XRN2: variants seen among roughly 807,000 people sequenced by gnomAD.
The protein encoded by XRN2 is DHM1-like protein.
Under a neutral mutation model 138.5 loss-of-function variants are expected in XRN2, and 44 were observed. That is an observed-to-expected ratio of 0.32 (90% CI 0.25 to 0.41). The LOEUF (loss-of-function observed/expected upper bound fraction) is 0.41, where lower values mean the gene tolerates loss of function less well. XRN2 is among the 10% of genes least tolerant of loss of function. XRN2 has a pLI of 1.00. For synonymous variants in XRN2, 354 were observed against 369.4 expected, an observed-to-expected ratio of 0.96 and a Z score of 0.48; for missense variants, 937 against 1,169.3, an observed-to-expected ratio of 0.80 and a Z score of 2.90.
intron 28 of XRN2, among the ~76,000 whole-genome samples, chr20:21,383,085 T>G (rs1445905879): frequency 6.6e-6 from 1 of 152,240 alleles, no homozygotes; most frequent in Non-Finnish European, 1.5e-5. Context: ...AGAACTTTAT[T>G]TCATTGTTAT....
chr20:21,354,981 A>T (rs1159117539), intron 21 of XRN2, 109 bp downstream of exon 21: 1 of 787,126 alleles, frequency 1.3e-6, no homozygotes, highest in Admixed American at 3.3e-5. Flanking sequence ...CATAAAGGGG[A>T]TATAAATCAT....
chr20:21,330,239 G>A (rs939748451), intron 4 of XRN2, among the ~76,000 whole-genome samples: 1 of 152,114 alleles, frequency 6.6e-6, no homozygotes, highest in African/African-American at 2.4e-5. Context: ...AGCCGAGATT[G>A]CACCACTGCA....
intron 20 of XRN2, among the ~76,000 whole-genome samples, chr20:21,351,709 C>G (rs187550941): frequency 6.6e-6 from 1 of 152,288 alleles, no homozygotes; most frequent in African/African-American, 2.4e-5. Context: ...CTAAAAGTTA[C>G]ACAGTTTTAG....
chr20:21,331,695 A>G, intron 7 of XRN2, 62 bp downstream of exon 7: 1 of 1,594,416 alleles, frequency 6.3e-7, no homozygotes, highest in Non-Finnish European at 8.6e-7. Context: ...TTGCATAGAA[A>G]ATACTTGGTA....
In XRN2 at chr20:21,346,152, A is replaced by G. The variant is rs79770275; in HGVS notation, c.1530-263A>G. Among the ~76,000 whole-genome samples, 1,013 of 152,332 alleles carry G rather than the reference A, an allele frequency of 6.6e-3. 11 individuals carry two copies. Among genetic ancestry groups the G allele is most frequent in the African/African-American group, 0.023 (943 of 41,578 alleles). On this transcript the variant is annotated intron_variant, in intron 16 of 29. Coordinates refer to ENST00000377191, the MANE Select transcript of XRN2 (RefSeq NM_012255.5). Reference sequence around the variant, plus strand: ...GCAAATGTGTTCTGTATCTTTTTCAATAACATTTTTGAAAATGTGGTTTTA... The same window carrying G: ...GCAAATGTGTTCTGTATCTTTTTCAGTAACATTTTTGAAAATGTGGTTTTA...
intron 27 of XRN2, among the ~76,000 whole-genome samples, chr20:21,378,516 C>T (rs762255431): frequency 1.2e-4 from 19 of 152,018 alleles, no homozygotes; most frequent in Non-Finnish European, 2.2e-4. Flanking sequence ...TTCCTCATCT[C>T]GAAAATAGTA....
chr20:21,387,417 A>G (rs759800129), intron 29 of XRN2, among the ~76,000 whole-genome samples: 1 of 152,200 alleles, frequency 6.6e-6, no homozygotes, highest in Non-Finnish European at 1.5e-5. Context: ...TCATTTTACA[A>G]TGTTGTCATT....
chr20:21,352,451 C>G (rs1333304404), intron 20 of XRN2, among the ~76,000 whole-genome samples: 1 of 152,022 alleles, frequency 6.6e-6, no homozygotes, highest in African/African-American at 2.4e-5. Context: ...GCCTCAGTCT[C>G]CTGAGTAGCT....
intron 27 of XRN2, 41 bp downstream of exon 27, chr20:21,368,631 A>T (rs773170103): frequency 6.2e-7 from 1 of 1,606,478 alleles, no homozygotes; most frequent in African/African-American, 1.3e-5. Context: ...TATAAATTAA[A>T]TATCACAGCA....
chr20:21,317,081 A>G (rs926986077), intron 1 of XRN2, among the ~76,000 whole-genome samples: 2 of 152,104 alleles, frequency 1.3e-5, no homozygotes, highest in East Asian at 1.9e-4. Flanking sequence ...TTCTAATATC[A>G]ATACCTTTTC....
At position 21,356,186 on chromosome 20, in the gene XRN2, C is replaced by A. The variant is rs372037383; in HGVS notation, c.2118+9C>A. 4 of 1,589,584 alleles carry A rather than the reference C, an allele frequency of 2.5e-6. No homozygotes were observed. Among genetic ancestry groups the A allele is most frequent in the Non-Finnish European group, 3.4e-6 (4 of 1,169,322 alleles). ...AGACAGGTTCCACAGAGGTATGTTA[C>A]GCAATTTGGTTAATTAGAAATGCAC... is the stretch of plus-strand genomic sequence containing the variant. On this transcript the variant is annotated intron_variant, in intron 22 of 29. Transcript: ENST00000377191.
At chr20:21,318,974 GT>G in intron 1 of XRN2, among the ~76,000 whole-genome samples, 1 of 151,986 alleles carries the variant, frequency 6.6e-6, no homozygotes, top group East Asian at 1.9e-4. Context: ...CTTCTGTTTT[GT>G]TCTATTATTG....
intron 24 of XRN2, among the ~76,000 whole-genome samples, chr20:21,364,517 G>A (rs1286085934): frequency 2.0e-5 from 3 of 152,114 alleles, no homozygotes; most frequent in Admixed American, 2.0e-4. Context: ...TTTAAAAATA[G>A]TTATACTGTC....
intron 1 of XRN2, among the ~76,000 whole-genome samples, chr20:21,311,297 C>G (rs540150776): frequency 1.3e-5 from 2 of 152,234 alleles, no homozygotes; most frequent in East Asian, 3.9e-4. Context: ...ATAAATTTGC[C>G]TATTCTAGTT....
Position 21,303,347 on chromosome 20 carries a change from C to G in XRN2, c.-52C>G. On this transcript the variant is annotated 5_prime_UTR_variant, in exon 1 of 30. Transcript: ENST00000377191. ...GTGCCCTCTGCCGCTGCTCCCGTCT[C>G]TTTGGTTACGCTCGTCAGCCGGTCG... 6.5e-7 allele frequency: 1 copy of G among 1,538,298 alleles called. No individual in the cohort carries two copies. The highest frequency in any genetic ancestry group is 8.8e-7 in the Non-Finnish European group (1 of 1,141,916).
At chr20:21,346,266 A>G in intron 16 of XRN2, 149 bp from the exon 17 acceptor site, 1 of 1,011,832 alleles carries the variant, frequency 9.9e-7, no homozygotes, top group East Asian at 2.4e-5. Flanking sequence ...TTTTAGAAAT[A>G]GTTAAATGAA....
At chr20:21,314,618 C>T (rs1360975505) in intron 1 of XRN2, among the ~76,000 whole-genome samples, 1 of 151,980 alleles carries the variant, frequency 6.6e-6, no homozygotes, top group Non-Finnish European at 1.5e-5. Context: ...TCCTGAATAG[C>T]TAGGACTATA....
chr20:21,354,962 C>A, intron 21 of XRN2, 90 bp downstream of exon 21: 1 of 1,032,030 alleles, frequency 9.7e-7, no homozygotes, highest in Non-Finnish European at 1.4e-6. Context: ...TCCTGTTTGT[C>A]AGATTTCCCA....
chr20:21,320,076 T>C (rs2038016594), intron 1 of XRN2, among the ~76,000 whole-genome samples: 1 of 152,092 alleles, frequency 6.6e-6, no homozygotes, highest in Non-Finnish European at 1.5e-5. Flanking sequence ...CGTTTAGTAG[T>C]TTTTGACAGT....
Sources: allele counts gnomAD v4.1 joint callset (sites outside exome capture counted in the v4.1 genomes callset), GRCh38; gene constraint gnomAD v4.1.1; transcripts MANE v1.5; gene names NCBI Gene and HGNC (gene_info 2026-07-23, HGNC 2026-07-21).